KCNIP4: variants seen among roughly 807,000 people sequenced by gnomAD.
The protein encoded by KCNIP4 is Kv channel-interacting protein 4.
KCNIP4 carries 12 observed loss-of-function variants against 34.0 expected under a neutral mutation model. The ratio of observed to expected loss-of-function variants is 0.35; its 90% confidence interval spans 0.23 to 0.57. The LOEUF (loss-of-function observed/expected upper bound fraction) is 0.57, where lower values mean the gene tolerates loss of function less well. Among genes scored for constraint, KCNIP4 ranks in the 20% least tolerant of loss-of-function variants. KCNIP4 has a pLI of 0.83. For missense variants in KCNIP4, 238 were observed against 311.7 expected (o/e 0.76, Z 1.78); for synonymous variants, 124 against 102.2 (o/e 1.21, Z -1.29).
intron 1 of KCNIP4, among the ~76,000 whole-genome samples, chr4:21,512,344 A>C (rs1047984661): frequency 1.3e-5 from 2 of 152,142 alleles, no homozygotes; most frequent in Admixed American, 6.5e-5. Flanking sequence ...TTGAAATACT[A>C]TTACTCCTTT....
chr4:21,885,176 G>A lies in KCNIP4; in HGVS notation c.61+63395C>T, dbSNP rs1726694946. On this transcript the variant is annotated intron_variant, in intron 1 of 8. Coordinates refer to ENST00000382152, the MANE Select transcript of KCNIP4 (RefSeq NM_025221.6). Reference sequence around the variant, plus strand: ...GGGGTCCAATAAATACAGAAAGCAAGAGGAAGAAAAGGAAACAGAGGCTGA... The same window carrying A: ...GGGGTCCAATAAATACAGAAAGCAAAAGGAAGAAAAGGAAACAGAGGCTGA... Among the ~76,000 whole-genome samples the A allele has an allele frequency of 3.9e-5, 6 of 152,024 alleles. No individual in the cohort carries two copies. The South Asian group carries it at 1.2e-3, about 31-fold the overall frequency.
chr4:21,837,778 A>G (rs1723442848), intron 1 of KCNIP4, among the ~76,000 whole-genome samples: 1 of 152,056 alleles, frequency 6.6e-6, no homozygotes, highest in Non-Finnish European at 1.5e-5. Flanking sequence ...CAGAAAGAAA[A>G]TTTTATAAAT....
intron 1 of KCNIP4, among the ~76,000 whole-genome samples, chr4:21,438,034 G>A (rs1057075655): frequency 1.3e-5 from 2 of 151,936 alleles, no homozygotes; most frequent in African/African-American, 4.8e-5. Flanking sequence ...GTCTTGTTAT[G>A]ATCATAAAAT....
At chr4:21,499,063 T>A (rs1733086849) in intron 1 of KCNIP4, among the ~76,000 whole-genome samples, 2 of 152,140 alleles carry the variant, frequency 1.3e-5, no homozygotes, top group Admixed American at 1.3e-4. Context: ...CTGGGTGCAG[T>A]GGCTTATGCA....
At chr4:20,971,389 A>T (rs954263545) in intron 1 of KCNIP4, among the ~76,000 whole-genome samples, 2 of 152,200 alleles carry the variant, frequency 1.3e-5, no homozygotes, top group African/African-American at 4.8e-5. Flanking sequence ...GCAATTGAAG[A>T]ACCCAGTAAT....
intron 1 of KCNIP4, among the ~76,000 whole-genome samples, chr4:21,705,303 T>G (rs1348331989): frequency 6.6e-6 from 1 of 152,146 alleles, no homozygotes; most frequent in Non-Finnish European, 1.5e-5. Flanking sequence ...ATTGTATCAA[T>G]GTTGGTATCT....
intron 1 of KCNIP4, among the ~76,000 whole-genome samples, chr4:21,811,810 A>G (rs1008512695): frequency 6.6e-6 from 1 of 152,196 alleles, no homozygotes; most frequent in African/African-American, 2.4e-5. Flanking sequence ...AGGCCCATGA[A>G]AGAATGTTCC....
intron 1 of KCNIP4, among the ~76,000 whole-genome samples, chr4:21,586,439 G>T (rs1308594161): frequency 6.6e-6 from 1 of 152,022 alleles, no homozygotes; most frequent in Non-Finnish European, 1.5e-5. Flanking sequence ...CTCCCCCAGT[G>T]TCTCCCTTTG....
At chr4:21,144,042 A>G (rs559243230) in intron 1 of KCNIP4, among the ~76,000 whole-genome samples, 5 of 152,272 alleles carry the variant, frequency 3.3e-5, no homozygotes, top group African/African-American at 1.2e-4. Context: ...CTGTGCCTTT[A>G]ACTCCCCTTG....
chr4:21,858,621 T>C (rs1443458984), intron 1 of KCNIP4, among the ~76,000 whole-genome samples: 3 of 152,194 alleles, frequency 2.0e-5, no homozygotes, highest in African/African-American at 4.8e-5. Flanking sequence ...TACAAGCACA[T>C]TGGCATTTTT....
chr4:21,118,536 C>T (rs1163759870), intron 1 of KCNIP4, among the ~76,000 whole-genome samples: 1 of 152,224 alleles, frequency 6.6e-6, no homozygotes, highest in Non-Finnish European at 1.5e-5. Context: ...GCCTTTGAGT[C>T]TTTGCCAAAA....
rs1055781100 is a variant in KCNIP4 at position 21,777,308 on chromosome 4, C to G, written c.61+171263G>C. 1.8e-4 allele frequency among the ~76,000 whole-genome samples: 27 copies of G among 152,182 alleles called. No individual in the cohort carries two copies. The South Asian group carries it at 3.1e-3, about 17-fold the overall frequency. ...AAATAAACTAATACAGATGTCTTCA[C>G]TCTCTAACTTACCACAAATTTATAT... is the stretch of plus-strand genomic sequence containing the variant. On this transcript the variant is annotated intron_variant, in intron 1 of 8. Transcript: ENST00000382152.
chr4:21,093,231 C>T (rs1270567722), intron 1 of KCNIP4, among the ~76,000 whole-genome samples: 1 of 152,052 alleles, frequency 6.6e-6, no homozygotes, highest in Non-Finnish European at 1.5e-5. Flanking sequence ...CATTAGTAGG[C>T]GATATTACAG....
intron 1 of KCNIP4, among the ~76,000 whole-genome samples, chr4:21,788,153 G>A (rs925120452): frequency 6.6e-6 from 1 of 152,060 alleles, no homozygotes; most frequent in Non-Finnish European, 1.5e-5. Context: ...AATTTGGGAG[G>A]TAAAGAAGAA....
At chr4:20,779,675 A>G (rs1302531761) in intron 3 of KCNIP4, among the ~76,000 whole-genome samples, 1 of 150,572 alleles carries the variant, frequency 6.6e-6, no homozygotes, top group African/African-American at 2.4e-5. Context: ...GGATTATCCA[A>G]GTGGGCCTTT....
intron 1 of KCNIP4, among the ~76,000 whole-genome samples, chr4:21,237,452 G>A (rs74679927): frequency 6.6e-6 from 1 of 151,898 alleles, no homozygotes; most frequent in South Asian, 2.1e-4. Context: ...TTTAATTCCT[G>A]GTCCTATCAA....
chr4:21,296,447 A>T (rs1763846550), intron 1 of KCNIP4, among the ~76,000 whole-genome samples: 1 of 151,442 alleles, frequency 6.6e-6, no homozygotes, highest in African/African-American at 2.4e-5. Context: ...TCTTAGCTAT[A>T]ATGGCAAAAG....
intron 1 of KCNIP4, among the ~76,000 whole-genome samples, chr4:21,687,054 T>C (rs367554862): frequency 0.019 from 2,734 of 145,362 alleles, 29 homozygotes; most frequent in Middle Eastern, 0.042. Flanking sequence ...TCATTCTCAG[T>C]AAACTATCGC....
chr4:21,568,459 T>C (rs1481346759), intron 1 of KCNIP4, among the ~76,000 whole-genome samples: 1 of 152,126 alleles, frequency 6.6e-6, no homozygotes, highest in African/African-American at 2.4e-5. Context: ...TGTAAGGGTG[T>C]TGCCAGAGGA....
Sources: gnomAD v4.1 joint callset for allele counts (sites outside exome capture counted in the v4.1 genomes callset) on GRCh38, gnomAD v4.1.1 for gene constraint, MANE v1.5 for transcripts, NCBI Gene and HGNC (gene_info 2026-07-23, HGNC 2026-07-21) for gene names.